USP24: variants seen among roughly 807,000 people sequenced by gnomAD.
The protein encoded by USP24 is ubiquitin specific peptidase 24.
Under a neutral mutation model 361.6 loss-of-function variants are expected in USP24, and 97 were observed. That is an observed-to-expected ratio of 0.27 (90% CI 0.23 to 0.32). The LOEUF is 0.32. Among genes scored for constraint, USP24 ranks in the 10% least tolerant of loss-of-function variants. The probability of loss-of-function intolerance (pLI) is 1.00; values close to 1 mark genes in which losing one functional copy is unlikely to be tolerated. For synonymous variants in USP24, 1,098 were observed against 1,124.6 expected, an observed-to-expected ratio of 0.98 and a Z score of 0.47; for missense variants, 2,353 against 3,165.6, an observed-to-expected ratio of 0.74 and a Z score of 6.16.
At chr1:55,093,134 C>T (rs1645418754) in intron 52 of USP24, among the ~76,000 whole-genome samples, 1 of 152,118 alleles carries the variant, frequency 6.6e-6, no homozygotes. Context: ...TTCATTAAAC[C>T]ATACCCTTTT....
At chr1:55,095,649 T>C (rs1454876634) in intron 50 of USP24, among the ~76,000 whole-genome samples, 1 of 152,152 alleles carries the variant, frequency 6.6e-6, no homozygotes, top group South Asian at 2.1e-4. Flanking sequence ...GGGAGCAGTA[T>C]GGTAATGGAG....
At chr1:55,178,266 T>G in intron 1 of USP24, 134 bp from the exon 2 acceptor site, 1 of 933,840 alleles carries the variant, frequency 1.1e-6, no homozygotes, top group South Asian at 1.6e-5. Flanking sequence ...CTACCTTTCT[T>G]TCCTATAATC....
chr1:55,143,182 A>G (rs553055515), intron 21 of USP24, 63 bp from the exon 22 acceptor site: 1 of 1,274,566 alleles, frequency 7.8e-7, no homozygotes, highest in East Asian at 2.8e-5. Context: ...ACAAAATCAC[A>G]GATAATTATT....
chr1:55,073,721 GA>G (rs1644965781), intron 64 of USP24, 106 bp downstream of exon 64: 3 of 1,060,316 alleles, frequency 2.8e-6, no homozygotes, highest in Non-Finnish European at 4.3e-6. Flanking sequence ...GGCCCTGACT[GA>G]GTCAGATTCT....
At chr1:55,140,745 G>A (rs1175321212) in intron 24 of USP24, among the ~76,000 whole-genome samples, 1 of 152,166 alleles carries the variant, frequency 6.6e-6, no homozygotes, top group Admixed American at 6.5e-5. Flanking sequence ...GAGGTAGGGA[G>A]AGCAAGTCCT....
chr1:55,197,273 C>T (rs1385626303), intron 1 of USP24, among the ~76,000 whole-genome samples: 1 of 152,222 alleles, frequency 6.6e-6, no homozygotes, highest in Non-Finnish European at 1.5e-5. Context: ...GATCTCTCTC[C>T]TGTGCTGCTT....
chr1:55,198,717 C>T (rs1231096623), intron 1 of USP24, among the ~76,000 whole-genome samples: 1 of 152,198 alleles, frequency 6.6e-6, no homozygotes, highest in Non-Finnish European at 1.5e-5. Context: ...TATTTACCTA[C>T]AGATCCAAGA....
Position 55,092,020 on chromosome 1 carries a change from C to A in USP24, c.6554+3G>T. 6.2e-7 allele frequency: 1 copy of A among 1,601,074 alleles called. No individual in the cohort carries two copies. Among genetic ancestry groups the A allele is most frequent in the South Asian group, 1.1e-5 (1 of 89,232 alleles). ...CAGATTATCAAAACATATCACTTCT[C>A]ACCTGAGTTTCTTCTTTGTCCGTAG... On this transcript the variant is annotated splice_donor_region_variant and intron_variant, in intron 54 of 67. Coordinates refer to ENST00000294383, the MANE Select transcript of USP24 (RefSeq NM_015306.3).
Position 55,098,457 on chromosome 1 carries a change from C to T in USP24, c.5453+19G>A, listed in dbSNP as rs1570395840. ...AAAAGGATGATCATTTTTCCTGTGTCGGTGATATCTTCACTCACCTGTGAG... is the reference window on the plus strand; with the variant it reads ...AAAAGGATGATCATTTTTCCTGTGTTGGTGATATCTTCACTCACCTGTGAG... On this transcript the variant is annotated intron_variant, in intron 46 of 67. Coordinates refer to ENST00000294383, the MANE Select transcript of USP24 (RefSeq NM_015306.3). 6 of 1,590,686 alleles carry T rather than the reference C, an allele frequency of 3.8e-6. No individual in the cohort carries two copies. The highest frequency in any genetic ancestry group is 1.1e-5 in the South Asian group (1 of 89,254).
intron 4 of USP24, 84 bp from the exon 5 acceptor site, chr1:55,171,762 G>A: frequency 2.1e-6 from 3 of 1,410,170 alleles, no homozygotes; most frequent in Non-Finnish European, 2.9e-6. Context: ...TAAAAATATA[G>A]CCTTTGACTC....
chr1:55,097,592 A>G lies in USP24; in HGVS notation c.5715+6T>C, dbSNP rs751232184. On this transcript the variant is annotated splice_donor_region_variant and intron_variant, in intron 48 of 67. Coordinates refer to ENST00000294383, the MANE Select transcript of USP24 (RefSeq NM_015306.3). ...TGTGAAAAATTTCAGGAAGAAAAAA[A>G]GTTACCCTTATTTGTTCATCATATT... The G allele has an allele frequency of 2.0e-6, 3 of 1,532,684 alleles. No individual in the cohort carries two copies. The highest frequency in any genetic ancestry group is 2.8e-5 in the African/African-American group (2 of 71,666). 94.9% of individuals were successfully genotyped at this position (1,532,684 alleles called of 1,614,324 possible).
intron 46 of USP24, 87 bp from the exon 47 acceptor site, chr1:55,098,171 C>T (rs1645540240): frequency 7.2e-7 from 1 of 1,385,780 alleles, no homozygotes; most frequent in African/African-American, 1.4e-5. Flanking sequence ...GAACACAGAA[C>T]TACATTTTTA....
At chr1:55,163,881 G>GT (rs1281001041) in intron 7 of USP24, among the ~76,000 whole-genome samples, 5 of 151,926 alleles carry the variant, frequency 3.3e-5, no homozygotes, top group African/African-American at 1.2e-4. Flanking sequence ...CAGGATTTGA[G>GT]TATAGACAGA....
intron 38 of USP24, among the ~76,000 whole-genome samples, chr1:55,117,288 C>T (rs1646141012): frequency 6.6e-6 from 1 of 152,180 alleles, no homozygotes; most frequent in Non-Finnish European, 1.5e-5. Context: ...CCCACTTTTA[C>T]CACTTCTATT....
Position 55,093,897 on chromosome 1 carries a change from C to T in USP24, c.6354+40G>A, listed in dbSNP as rs116674043. 8.8e-4 allele frequency: 1,412 copies of T among 1,610,662 alleles called. 12 individuals carry two copies. The African/African-American group carries it at 0.016, about 18-fold the overall frequency. On this transcript the variant is annotated intron_variant, in intron 52 of 67. Transcript: ENST00000294383. ...CCTACTAGATACATTTTGATGTCCA[C>T]GTGGATATTCCCCCTTAGAATTTTT...
intron 1 of USP24, among the ~76,000 whole-genome samples, chr1:55,186,747 T>G (rs190579111): frequency 6.6e-6 from 1 of 152,170 alleles, no homozygotes; most frequent in Non-Finnish European, 1.5e-5. Flanking sequence ...AGAATGTTGG[T>G]TGCCAAGGGC....
intron 35 of USP24, among the ~76,000 whole-genome samples, chr1:55,123,855 G>A (rs188752046): frequency 6.6e-5 from 10 of 152,282 alleles, no homozygotes; most frequent in East Asian, 1.9e-4. Flanking sequence ...TGAAAATAGC[G>A]CAATTTTGTG....
intron 28 of USP24, among the ~76,000 whole-genome samples, chr1:55,136,811 G>A (rs74073044): frequency 0.037 from 5,668 of 152,192 alleles, 337 homozygotes; most frequent in African/African-American, 0.13. Context: ...AGCTCAATTC[G>A]GGATAAATTA....
At chr1:55,150,048 T>C (rs1258527289) in intron 16 of USP24, among the ~76,000 whole-genome samples, 1 of 152,194 alleles carries the variant, frequency 6.6e-6, no homozygotes, top group African/African-American at 2.4e-5. Flanking sequence ...TGTCCTAAGC[T>C]GCACCTTATT....
Sources: allele counts gnomAD v4.1 joint callset (sites outside exome capture counted in the v4.1 genomes callset), GRCh38; gene constraint gnomAD v4.1.1; transcripts MANE v1.5; gene names NCBI Gene and HGNC (gene_info 2026-07-23, HGNC 2026-07-21).